Variants in ENPEP observed in about 807,000 individuals in gnomAD.
The protein encoded by ENPEP is glutamyl aminopeptidase.
A neutral mutation model predicts 114.5 loss-of-function variants in ENPEP; 103 were observed. The ratio of observed to expected loss-of-function variants is 0.90; its 90% CI spans 0.77 to 1.06. The LOEUF (loss-of-function observed/expected upper bound fraction) is 1.06. ENPEP is among the 50% of genes least tolerant of loss of function. The pLI, the probability that ENPEP is intolerant of heterozygous loss-of-function variation, is 0.00. For missense variants in ENPEP, 1,196 were observed against 1,161.3 expected (o/e 1.03, Z -0.43); for synonymous variants, 420 against 422.0 (o/e 1.00, Z 0.06).
chr4:110,557,074 A>G (rs75499004), intron 18 of ENPEP, among the ~76,000 whole-genome samples: 8,090 of 152,266 alleles, frequency 0.053, 290 homozygotes, highest in Non-Finnish European at 0.088. Context: ...AGACCATGGA[A>G]TCTAAACTAC....
chr4:110,548,091 C>CT, intron 13 of ENPEP, 85 bp from the exon 14 acceptor site: 1 of 1,328,966 alleles, frequency 7.5e-7, no homozygotes, highest in Non-Finnish European at 9.7e-7. Context: ...ATCGCCAAAA[C>CT]TTTCAGTTAA....
intron 17 of ENPEP, among the ~76,000 whole-genome samples, chr4:110,552,381 G>A (rs2110397527): frequency 6.6e-6 from 1 of 152,218 alleles, no homozygotes; most frequent in South Asian, 2.1e-4. Flanking sequence ...TAAGGGTCTT[G>A]ATATATTAAT....
chr4:110,510,217 A>G, intron 5 of ENPEP, 28 bp from the exon 6 acceptor site: 1 of 1,574,620 alleles, frequency 6.4e-7, no homozygotes. Flanking sequence ...TAAGAATGTA[A>G]TTATCTCTTT....
At chr4:110,523,383 C>A (rs547481573) in intron 10 of ENPEP, among the ~76,000 whole-genome samples, 144 of 152,140 alleles carry the variant, frequency 9.5e-4, no homozygotes, top group Non-Finnish European at 1.7e-3. Context: ...CCCAGTCGTA[C>A]AAAACTGTGA....
Position 110,548,197 on chromosome 4 carries a change from G to C in ENPEP, c.2022G>C (p.Lys674Asn). ...ALARAQLLDYKVALNLTKYLK... is the reference protein window; with the variant it reads ...ALARAQLLDYNVALNLTKYLK... ...TCAGAGCTCAACTTCTAGATTATAA[G>C]GTGGCTTTGAACTTGACCAAGTATC... The change falls in exon 14 of 20, where the codon AAG becomes AAC. Residue 674 changes from lysine to asparagine, a missense_variant. Lys to Asn is a moderately conservative substitution (Grantham distance 94). Coordinates refer to ENST00000265162, the MANE Select transcript of ENPEP (RefSeq NM_001977.4). The C allele has an allele frequency of 7.3e-7, 1 of 1,361,834 alleles. No individual in the cohort carries two copies. The highest frequency in any genetic ancestry group is 2.2e-5 in the Admixed American group (1 of 45,994). The allele number at this position is 1,361,834 out of a possible 1,614,324, so 84.4% of individuals were successfully genotyped here.
chr4:110,555,754 T>C (rs1727445557), intron 18 of ENPEP, among the ~76,000 whole-genome samples: 1 of 152,046 alleles, frequency 6.6e-6, no homozygotes, highest in African/African-American at 2.4e-5. Context: ...GTTTTGTGTG[T>C]ATTAAAATTA....
At position 110,531,279 on chromosome 4, in the gene ENPEP, T is replaced by A. The variant is rs199944437; in HGVS notation, c.1807+2T>A. ...TATTTAATAGGTCAGAAAAAGAAGG[T>A]AAATATTATTAATTGATTTATTTCT... On this transcript the variant is annotated splice_donor_variant, in intron 11 of 19. Transcript: ENST00000265162. LOFTEE classifies it high-confidence loss of function. The A allele has an allele frequency of 1.6e-4, 229 of 1,409,478 alleles. No homozygotes were observed. The highest frequency in any genetic ancestry group is 1.4e-3 in the South Asian group (90 of 64,616). The allele number at this position is 1,409,478 out of a possible 1,614,324, so 87.3% of individuals were successfully genotyped here.
In ENPEP at chr4:110,559,745, T is replaced by C. The variant is rs758403002; in HGVS notation, c.2721+20T>C. 6.3e-7 allele frequency: 1 copy of C among 1,592,954 alleles called. No individual in the cohort carries two copies. Among genetic ancestry groups the C allele is most frequent in the South Asian group, 1.1e-5 (1 of 89,756 alleles). On this transcript the variant is annotated intron_variant, in intron 19 of 19. Coordinates refer to ENST00000265162, the MANE Select transcript of ENPEP (RefSeq NM_001977.4). ...TGGCAGGTATGAAGATAAATTCCTC[T>C]GCATTTGTCCAAGAAGGAGCAGAAT...
At chr4:110,542,411 C>T (rs568396160) in intron 11 of ENPEP, among the ~76,000 whole-genome samples, 156 of 152,194 alleles carry the variant, frequency 1.0e-3, no homozygotes, top group South Asian at 1.2e-3. Context: ...AAGGCATGGA[C>T]TTCTCTGTCT....
intron 3 of ENPEP, among the ~76,000 whole-genome samples, chr4:110,494,008 G>A (rs539424685): frequency 1.3e-5 from 2 of 152,186 alleles, no homozygotes; most frequent in African/African-American, 4.8e-5. Context: ...AGAGAATCCC[G>A]AAAAAGTCAT....
intron 3 of ENPEP, among the ~76,000 whole-genome samples, chr4:110,493,967 G>A (rs1035076007): frequency 4.6e-5 from 7 of 152,240 alleles, no homozygotes; most frequent in African/African-American, 1.7e-4. Context: ...GAAACACCGT[G>A]GGAGTAAATA....
intron 10 of ENPEP, among the ~76,000 whole-genome samples, chr4:110,525,463 G>A (rs924583907): frequency 6.3e-5 from 9 of 143,716 alleles, no homozygotes; most frequent in South Asian, 2.5e-4. Flanking sequence ...TGCTTTGCTT[G>A]AGCAGAGAGA....
chr4:110,549,494 A>G, intron 15 of ENPEP, 34 bp from the exon 16 acceptor site: 3 of 1,611,484 alleles, frequency 1.9e-6, no homozygotes, highest in Non-Finnish European at 2.5e-6. Context: ...AAAAGTGCTT[A>G]AGGCCCTGGA....
intron 1 of ENPEP, among the ~76,000 whole-genome samples, chr4:110,482,510 G>C (rs891691872): frequency 2.6e-5 from 4 of 152,164 alleles, no homozygotes; most frequent in Admixed American, 2.6e-4. Flanking sequence ...TTGTAATAAA[G>C]ATTTAGGAGT....
rs549682595 is a variant in ENPEP, at chr4:110,499,218, A to T, written c.919-7419A>T. ...ATAATTCAGTGTATTATCTCTAATG[A>T]TACTAACACTTTTGATGGGACACAT... On this transcript the variant is annotated intron_variant, in intron 3 of 19. Transcript: ENST00000265162. Among the ~76,000 whole-genome samples the T allele has an allele frequency of 4.1e-4, 62 of 152,334 alleles. 1 individual carries two copies. The highest frequency in any genetic ancestry group is 1.1e-3 in the African/African-American group (46 of 41,574).
At chr4:110,536,428 A>G (rs949709059) in intron 11 of ENPEP, among the ~76,000 whole-genome samples, 5 of 152,158 alleles carry the variant, frequency 3.3e-5, no homozygotes, top group African/African-American at 1.2e-4. Flanking sequence ...TTTTGCATCT[A>G]GCTCAAAGAC....
chr4:110,545,846 T>G (rs1277683780), intron 13 of ENPEP, among the ~76,000 whole-genome samples: 2 of 151,974 alleles, frequency 1.3e-5, no homozygotes, highest in Non-Finnish European at 2.9e-5. Context: ...TGACAATATT[T>G]GGAAGAACAG....
chr4:110,542,985 GT>G, intron 12 of ENPEP, 29 bp from the exon 13 acceptor site: 1 of 1,612,086 alleles, frequency 6.2e-7, no homozygotes, highest in South Asian at 1.1e-5. Flanking sequence ...TAAGAATTGT[GT>G]TTTTATCTCT....
Position 110,476,439 on chromosome 4 carries a change from T to G in ENPEP, c.25T>G (p.Ser9Ala). 6.5e-7 allele frequency: 1 copy of G among 1,535,512 alleles called. No homozygotes were observed. Reference sequence around the variant, plus strand: ...AATGAACTTTGCGGAGAGAGAGGGCTCTAAGAGATACTGCATTCAAACGAA... The same window carrying G: ...AATGAACTTTGCGGAGAGAGAGGGCGCTAAGAGATACTGCATTCAAACGAA... MNFAEREG[S>A]KRYCIQTKHV... is the part of the protein sequence containing the mutation. The change falls in exon 1 of 20, where the codon TCT becomes GCT. Residue 9 changes from serine to alanine, a missense_variant. Physicochemically the swap from Ser to Ala is moderately conservative, Grantham distance 99. Transcript: ENST00000265162.
Sources: allele counts gnomAD v4.1 joint callset (sites outside exome capture counted in the v4.1 genomes callset), GRCh38; gene constraint gnomAD v4.1.1; transcripts MANE v1.5; gene names NCBI Gene and HGNC (gene_info 2026-07-23, HGNC 2026-07-21).